The following ZNF84 variants were observed in gnomAD, a reference collection of about 807,000 sequenced individuals.
ZNF84 encodes zinc finger protein HPF2.
ZNF84 carries 12 observed loss-of-function variants against 14.8 expected under a neutral mutation model. That is an observed-to-expected ratio of 0.81 (90% CI 0.52 to 1.31). ZNF84 has a LOEUF of 1.31. ZNF84 is among the 50% of genes most tolerant of loss of function. The pLI, the probability that ZNF84 is intolerant of heterozygous loss-of-function variation, is 0.00. For missense variants in ZNF84, 859 were observed against 878.6 expected, an observed-to-expected ratio of 0.98 and a Z score of 0.28; for synonymous variants, 347 against 291.1, an observed-to-expected ratio of 1.19 and a Z score of -1.96.
At chr12:133,048,553 A>G in intron 3 of ZNF84, 200 bp from the exon 4 acceptor site, 1 of 395,846 alleles carries the variant, frequency 2.5e-6, no homozygotes, top group Non-Finnish European at 4.6e-6. Flanking sequence ...TACTGGCTCC[A>G]GAGCCTCTGA....
intron 2 of ZNF84, among the ~76,000 whole-genome samples, chr12:133,043,032 T>C (rs1354423860): frequency 6.7e-6 from 1 of 149,412 alleles, no homozygotes; most frequent in African/African-American, 2.4e-5. Context: ...AAACACTATA[T>C]TTGATTTTGT....
In ZNF84 at chr12:133,058,821, G is replaced by A; in HGVS notation, c.2106G>A (p.Gln702=). 6.2e-7 allele frequency: 1 copy of A among 1,613,960 alleles called. No individual in the cohort carries two copies. The highest frequency in any genetic ancestry group is 8.5e-7 in the Non-Finnish European group (1 of 1,179,962). ...FSQKSQLVNH[Q]RIHTGEKPYR... is the part of the protein sequence containing the mutation. ...AGAAGTCACAGCTGGTTAATCATCA[G>A]AGAATTCATACAGGAGAGAAGCCTT... The change falls in exon 5 of 5, where the codon CAG becomes CAA. Residue 702 remains glutamine (Q), a synonymous_variant. Transcript: ENST00000539354.
Position 133,048,756 on chromosome 12 carries a change from A to G in ZNF84, c.146A>G (p.Tyr49Cys), listed in dbSNP as rs1434101129. ...ENYSSLVSLG[Y>C]EVMKPDVIFK... ...TTTGTGATTTTTCCCTTAACAGGGT[A>G]TGAAGTTATGAAACCAGATGTCATC... The change falls in exon 4 of 5, where the codon TAT becomes TGT. Residue 49 changes from tyrosine (Y) to cysteine (C), a missense_variant. Coordinates refer to ENST00000539354, the MANE Select transcript of ZNF84 (RefSeq NM_001289971.2). 163 of 1,613,472 alleles carry G rather than the reference A, an allele frequency of 1.0e-4. 1 individual carries two copies. The highest frequency in any genetic ancestry group is 1.3e-4 in the Non-Finnish European group (159 of 1,179,558).
intron 2 of ZNF84, among the ~76,000 whole-genome samples, chr12:133,046,694 C>G (rs1488345470): frequency 6.6e-6 from 1 of 151,006 alleles, no homozygotes; most frequent in Non-Finnish European, 1.5e-5. Context: ...TGGGGTCTCA[C>G]TCTGTCACTC....
chr12:133,047,747 T>TCTC (rs1954006846), intron 2 of ZNF84: 1 of 435,306 alleles, frequency 2.3e-6, no homozygotes. Context: ...CTGGAGAGGC[T>TCTC]CTCTTTAATC....
In ZNF84 at chr12:133,055,242, A is replaced by G. The variant is rs1954133855; in HGVS notation, c.239-1712A>G. Among the ~76,000 whole-genome samples, 3 of 152,150 alleles carry G rather than the reference A, an allele frequency of 2.0e-5. No individual in the cohort carries two copies. In the South Asian group the frequency reaches 6.2e-4, roughly 31 times the overall value. On this transcript the variant is annotated intron_variant, in intron 4 of 4. Transcript: ENST00000539354. ...TGTTCATGACATACTGTGAAATAGA[A>G]AATACTGATAGAGATGGATTACAAA...
At chr12:133,038,580 G>A (rs1347945748) in intron 1 of ZNF84, among the ~76,000 whole-genome samples, 1 of 150,864 alleles carries the variant, frequency 6.6e-6, no homozygotes, top group African/African-American at 2.4e-5. Context: ...AAAAGTGTCC[G>A]AATTGTTCTT....
At position 133,063,038 on chromosome 12, in the gene ZNF84, G is replaced by C. The variant is rs1954290389; in HGVS notation, c.*4106G>C. 3.1e-4 allele frequency: 217 copies of C among 693,386 alleles called. 3 individuals carry two copies. Among genetic ancestry groups the C allele is most frequent in the Non-Finnish European group, 1.8e-5 (7 of 379,460 alleles). 43.0% of individuals were successfully genotyped at this position (693,386 alleles called of 1,614,324 possible). On this transcript the variant is annotated 3_prime_UTR_variant, in exon 5 of 5. Coordinates refer to ENST00000539354, the MANE Select transcript of ZNF84 (RefSeq NM_001289971.2). ...AGCTAGTACTATCTTTTTTGTCTGT[G>C]TAATTTTTGCATCACAAGCTATATT...
chr12:133,041,362 A>G lies in ZNF84; in HGVS notation c.-106A>G. 4 of 1,079,934 alleles carry G rather than the reference A, an allele frequency of 3.7e-6. No individual in the cohort carries two copies. Among genetic ancestry groups the G allele is most frequent in the South Asian group, 1.3e-5 (1 of 77,362 alleles). 66.9% of individuals were successfully genotyped at this position (1,079,934 alleles called of 1,614,324 possible). ...GGAACCAGGAATTCATTCTCAGTGTAGAAGACCTAGCTGAGACCTCACTCC... is the reference window on the plus strand; with the variant it reads ...GGAACCAGGAATTCATTCTCAGTGTGGAAGACCTAGCTGAGACCTCACTCC... On this transcript the variant is annotated 5_prime_UTR_variant, in exon 2 of 5. Coordinates refer to ENST00000539354, the MANE Select transcript of ZNF84 (RefSeq NM_001289971.2).
chr12:133,058,748 C>A lies in ZNF84; in HGVS notation c.2033C>A (p.Thr678Lys). Residue 678 changes from threonine (T) to lysine (K), a missense_variant, in exon 5 of 5, where the codon ACG (threonine) becomes AAG (lysine). Coordinates refer to ENST00000539354, the MANE Select transcript of ZNF84 (RefSeq NM_001289971.2). ...SHLIPHQRTHTGEKPYGCSEC... is the reference protein window; with the variant it reads ...SHLIPHQRTHKGEKPYGCSEC... ...CTTATACCACATCAAAGGACACATA[C>A]GGGTGAGAAACCCTATGGATGCAGT... 1 of 1,613,930 alleles carries A rather than the reference C, an allele frequency of 6.2e-7. No individual in the cohort carries two copies. The highest frequency in any genetic ancestry group is 8.5e-7 in the Non-Finnish European group (1 of 1,179,942).
chr12:133,044,227 C>T (rs1205173713), intron 2 of ZNF84, among the ~76,000 whole-genome samples: 3 of 152,130 alleles, frequency 2.0e-5, no homozygotes, highest in Non-Finnish European at 4.4e-5. Context: ...TCACTGCAGC[C>T]TTGAACTCCT....
intron 1 of ZNF84, chr12:133,040,664 C>T (rs369143432): frequency 3.3e-5 from 5 of 151,182 alleles, no homozygotes; most frequent in African/African-American, 7.3e-5. Flanking sequence ...GGGTATGAAG[C>T]GTTGTTACAC....
At chr12:133,045,403 G>T (rs1305678466) in intron 2 of ZNF84, among the ~76,000 whole-genome samples, 2 of 152,194 alleles carry the variant, frequency 1.3e-5, no homozygotes, top group Non-Finnish European at 2.9e-5. Flanking sequence ...CCTGAGAGGC[G>T]GAGGTTGCAG....
rs1954292195 is a variant in ZNF84, at chr12:133,063,092, T to C, written c.*4160T>C. On this transcript the variant is annotated 3_prime_UTR_variant, in exon 5 of 5. Transcript: ENST00000539354. ...ATGTGGGTGCAGTGAGTGGCTGTTT[T>C]CTGCCACATGGAGAAACATGGTCTG... The C allele has an allele frequency of 2.3e-5, 16 of 702,196 alleles. No individual in the cohort carries two copies. Among genetic ancestry groups the C allele is most frequent in the Non-Finnish European group, 5.2e-6 (2 of 384,802 alleles). The allele number at this position is 702,196 out of a possible 1,614,324, so 43.5% of individuals were successfully genotyped here.
chr12:133,041,498 A>C lies in ZNF84; in HGVS notation c.15+16A>C, dbSNP rs1237312405. 3 of 1,613,662 alleles carry C rather than the reference A, an allele frequency of 1.9e-6. No homozygotes were observed. Among genetic ancestry groups the C allele is most frequent in the Non-Finnish European group, 2.5e-6 (3 of 1,179,644 alleles). Reference sequence around the variant, plus strand: ...CATGTTACAGGTGAGTTGATTGTTGAGTTCTTATTTTTTCCCAGGGAATTA... The same window carrying C: ...CATGTTACAGGTGAGTTGATTGTTGCGTTCTTATTTTTTCCCAGGGAATTA... On this transcript the variant is annotated intron_variant, in intron 2 of 4. Coordinates refer to ENST00000539354, the MANE Select transcript of ZNF84 (RefSeq NM_001289971.2).
intron 4 of ZNF84, among the ~76,000 whole-genome samples, chr12:133,051,008 A>G (rs990714637): frequency 2.6e-4 from 40 of 152,218 alleles, no homozygotes; most frequent in African/African-American, 8.9e-4. Flanking sequence ...TGCAGCCTCA[A>G]ATTCCTGGGC....
chr12:133,041,780 T>C (rs1373280579), intron 2 of ZNF84, among the ~76,000 whole-genome samples: 3 of 152,246 alleles, frequency 2.0e-5, no homozygotes, highest in African/African-American at 7.2e-5. Context: ...AGCTTTTATA[T>C]GCTTTGCATC....
At chr12:133,051,294 A>C (rs1006045302) in intron 4 of ZNF84, among the ~76,000 whole-genome samples, 1 of 152,040 alleles carries the variant, frequency 6.6e-6, no homozygotes, top group African/African-American at 2.4e-5. Context: ...AGAAGATGAG[A>C]TATTTGTGTT....
intron 2 of ZNF84, among the ~76,000 whole-genome samples, chr12:133,044,298 C>T (rs1253440365): frequency 2.1e-5 from 3 of 144,270 alleles, no homozygotes; most frequent in African/African-American, 7.7e-5. Flanking sequence ...GCACCTACTA[C>T]TAAGTACAGC....
Sources: allele counts gnomAD v4.1 joint callset (sites outside exome capture counted in the v4.1 genomes callset), GRCh38; gene constraint gnomAD v4.1.1; transcripts MANE v1.5; gene names NCBI Gene and HGNC (gene_info 2026-07-23, HGNC 2026-07-21).